ACCSL: variants seen among roughly 807,000 people sequenced by gnomAD.
The protein encoded by ACCSL is 1-aminocyclopropane-1-carboxylate synthase homolog (inactive) like, also known as probable inactive 1-aminocyclopropane-1-carboxylate synthase-like protein 2.
Under a neutral mutation model 61.7 loss-of-function variants are expected in ACCSL, and 55 were observed. The observed-to-expected ratio is 0.89, with a 90% CI of 0.72 to 1.12. The LOEUF is 1.12. Ranked by LOEUF, ACCSL falls within the 50% of genes most tolerant of loss-of-function variation. ACCSL has a pLI of 0.00. For synonymous variants in ACCSL, 258 were observed against 264.3 expected (o/e 0.98, Z 0.23); for missense variants, 632 against 698.0 (o/e 0.91, Z 1.07).
chr11:43,924,759 G>A, the ACCSL span, among the ~76,000 whole-genome samples: 2 of 152,224 alleles, frequency 1.3e-5, no homozygotes, highest in South Asian at 2.1e-4. Context: ...CCACCAGTCC[G>A]CACTTGGAGG....
At chr11:43,934,158 A>G in the ACCSL span, among the ~76,000 whole-genome samples, 141 of 152,104 alleles carry the variant, frequency 9.3e-4, no homozygotes, top group African/African-American at 3.2e-3. Context: ...GCACACTGAC[A>G]ACCCTTCTTG....
the ACCSL span, among the ~76,000 whole-genome samples, chr11:43,980,559 A>G: frequency 6.6e-6 from 1 of 152,192 alleles, no homozygotes; most frequent in Non-Finnish European, 1.5e-5. Flanking sequence ...TGCTTTCACT[A>G]TTCTGTGAAT....
At chr11:43,946,279 A>G in the ACCSL span, among the ~76,000 whole-genome samples, 1 of 152,016 alleles carries the variant, frequency 6.6e-6, no homozygotes, top group Non-Finnish European at 1.5e-5. Flanking sequence ...TTATATTTTT[A>G]GTAGAGATAA....
chr11:44,036,781 CAA>C, the ACCSL span, among the ~76,000 whole-genome samples: 47 of 56,532 alleles, frequency 8.3e-4, no homozygotes, highest in Non-Finnish European at 7.3e-4. Context: ...GACACCAGCT[CAA>C]AAAAAAAAAA....
chr11:43,942,893 G>T, the ACCSL span: 2 of 1,348,824 alleles, frequency 1.5e-6, no homozygotes, highest in Non-Finnish European at 9.5e-7. Context: ...CCCCGCAGAC[G>T]CCGGAGGCGC....
At chr11:44,050,035 C>G (rs371168564) in intron 1 of ACCSL, 27 bp from the exon 2 acceptor site, 1 of 1,614,124 alleles carries the variant, frequency 6.2e-7, no homozygotes, top group African/African-American at 1.3e-5. Flanking sequence ...GAGGACTGAC[C>G]TGATCTTGGA....
At chr11:43,962,692 C>G in the ACCSL span, among the ~76,000 whole-genome samples, 1 of 152,152 alleles carries the variant, frequency 6.6e-6, no homozygotes, top group Non-Finnish European at 1.5e-5. Flanking sequence ...CGTGGCTAAA[C>G]CAGGAAGCAA....
rs879509706 is a variant in ACCSL at position 44,058,460 on chromosome 11, G to C, written c.1470+1G>C. On this transcript the variant is annotated splice_donor_variant, in intron 12 of 13. Coordinates refer to ENST00000378832, the MANE Select transcript of ACCSL (RefSeq NM_001031854.2). LOFTEE classifies it high-confidence loss of function. ...CTATGTCTGGATCAACTTGAAAAAG[G>C]TGTGTTCTGGGAATGAGGACAGGTG... The C allele has an allele frequency of 2.1e-5, 34 of 1,614,074 alleles. No individual in the cohort carries two copies. The highest frequency in any genetic ancestry group is 2.8e-5 in the Non-Finnish European group (33 of 1,180,038).
the ACCSL span, among the ~76,000 whole-genome samples, chr11:43,985,834 C>G: frequency 6.6e-6 from 1 of 152,036 alleles, no homozygotes; most frequent in Non-Finnish European, 1.5e-5. Context: ...GTCAAGAGTT[C>G]GAGACCAGCC....
chr11:43,923,741 GT>G, the ACCSL span, among the ~76,000 whole-genome samples: 1 of 152,228 alleles, frequency 6.6e-6, no homozygotes, highest in African/African-American at 2.4e-5. Flanking sequence ...GGGCTGAGCT[GT>G]CTGTTAGTGT....
At chr11:44,052,165 C>T (rs563283535) in intron 5 of ACCSL, among the ~76,000 whole-genome samples, 2 of 152,360 alleles carry the variant, frequency 1.3e-5, no homozygotes, top group East Asian at 3.9e-4. Flanking sequence ...TTAAAGAGCT[C>T]TGGATGCATC....
chr11:43,954,527 T>A, the ACCSL span, among the ~76,000 whole-genome samples: 11 of 152,096 alleles, frequency 7.2e-5, no homozygotes, highest in African/African-American at 2.7e-4. Flanking sequence ...CCTAATCTTT[T>A]ATTATGCAGA....
chr11:44,047,887 G>A, upstream of ACCSL: 2 of 1,026,154 alleles, frequency 1.9e-6, no homozygotes, highest in East Asian at 2.5e-5. Context: ...ACCAAGGCAT[G>A]GAAGTGAGAA....
chr11:43,971,704 G>A, the ACCSL span, among the ~76,000 whole-genome samples: 14 of 152,208 alleles, frequency 9.2e-5, no homozygotes, highest in Non-Finnish European at 1.8e-4. Context: ...GGAGTACTAG[G>A]TGTGAAGGTC....
the ACCSL span, among the ~76,000 whole-genome samples, chr11:44,014,469 CAGAGAGAGATAGCCAGAGAGAGAGAG>C: frequency 7.2e-6 from 1 of 138,750 alleles, no homozygotes; most frequent in South Asian, 2.5e-4. Flanking sequence ...AATGAGCTGG[CAGAGAGAGATAGCCAGAGAGAGAGAG>C]AGAGAGAGAG....
In ACCSL at chr11:44,048,524, A is replaced by T. The variant is rs1952615412; in HGVS notation, c.488A>T (p.Lys163Met). 1 of 1,316,574 alleles carries T rather than the reference A, an allele frequency of 7.6e-7. No homozygotes were observed. Among genetic ancestry groups the T allele is most frequent in the Non-Finnish European group, 1.0e-6 (1 of 1,001,962 alleles). 81.6% of individuals were successfully genotyped at this position (1,316,574 alleles called of 1,614,324 possible). ...GCCTACCAAAAAGATAAATATCATAAGGACAAGAACACCTTGGTGAGAATT... is the reference window on the plus strand; with the variant it reads ...GCCTACCAAAAAGATAAATATCATATGGACAAGAACACCTTGGTGAGAATT... ...YNAYQKDKYH[K>M]DKNTLGFINL... is the part of the protein sequence containing the mutation. The change falls in exon 1 of 14, where the codon AAG becomes ATG. Residue 163 changes from lysine (K) to methionine (M), a missense_variant. Coordinates refer to ENST00000378832, the MANE Select transcript of ACCSL (RefSeq NM_001031854.2).
At chr11:43,952,735 G>A in the ACCSL span, among the ~76,000 whole-genome samples, 24 of 152,256 alleles carry the variant, frequency 1.6e-4, no homozygotes, top group African/African-American at 5.3e-4. Context: ...TGAAGCTCCC[G>A]GCCAAATAAA....
chr11:44,052,223 G>A (rs1952643920), intron 5 of ACCSL, among the ~76,000 whole-genome samples: 2 of 152,232 alleles, frequency 1.3e-5, no homozygotes, highest in Non-Finnish European at 2.9e-5. Context: ...GCTTCTCTCA[G>A]CTCATCAGTA....
At chr11:44,028,329 G>C in the ACCSL span, among the ~76,000 whole-genome samples, 1 of 152,028 alleles carries the variant, frequency 6.6e-6, no homozygotes, top group Non-Finnish European at 1.5e-5. Flanking sequence ...GTTGGAGTGG[G>C]CAGGAAAGGT....
Sources: allele counts gnomAD v4.1 joint callset (sites outside exome capture counted in the v4.1 genomes callset), GRCh38; gene constraint gnomAD v4.1.1; transcripts MANE v1.5; gene names NCBI Gene and HGNC (gene_info 2026-07-23, HGNC 2026-07-21).